The following CTNNA2 variants were observed in gnomAD, a reference collection of about 807,000 sequenced individuals.
CTNNA2 encodes catenin alpha 2, also known as catenin alpha-2.
A neutral mutation model predicts 101.0 loss-of-function variants in CTNNA2; 42 were observed. The observed-to-expected ratio is 0.42, with a 90% confidence interval of 0.32 to 0.54. CTNNA2 has a LOEUF of 0.54. CTNNA2 is among the 20% of genes least tolerant of loss of function. The pLI is 0.14. For synonymous variants in CTNNA2, 450 were observed against 456.4 expected (o/e 0.99, Z 0.18); for missense variants, 871 against 1,223.1 (o/e 0.71, Z 4.29).
At chr2:80,065,428 G>A (rs552057551) in intron 7 of CTNNA2, among the ~76,000 whole-genome samples, 6 of 150,820 alleles carry the variant, frequency 4.0e-5, no homozygotes, top group East Asian at 3.9e-4. Flanking sequence ...GCATGATCTC[G>A]GCTCACTACA....
At chr2:80,466,305 C>T (rs190586324) in intron 9 of CTNNA2, among the ~76,000 whole-genome samples, 3 of 152,140 alleles carry the variant, frequency 2.0e-5, no homozygotes, top group Admixed American at 6.6e-5. Flanking sequence ...GATGCAAAAG[C>T]GTGCCTGTTT....
intron 2 of CTNNA2, 31 bp from the exon 3 acceptor site, chr2:79,744,356 G>A (rs1486645497): frequency 6.4e-7 from 1 of 1,561,348 alleles, no homozygotes. Flanking sequence ...GTTTTGCAAA[G>A]AAGTTTTACA....
chr2:79,866,737 T>C (rs1300628089), intron 4 of CTNNA2, among the ~76,000 whole-genome samples: 1 of 152,236 alleles, frequency 6.6e-6, no homozygotes, highest in Non-Finnish European at 1.5e-5. Context: ...TTGGTGTCTC[T>C]ATTTAATGAG....
At chr2:80,082,846 C>G (rs772133682) in intron 7 of CTNNA2, among the ~76,000 whole-genome samples, 2 of 152,048 alleles carry the variant, frequency 1.3e-5, no homozygotes, top group African/African-American at 4.8e-5. Context: ...TAACCAGTAT[C>G]TTAATTAGAT....
At chr2:80,069,037 A>G (rs1698159628) in intron 7 of CTNNA2, among the ~76,000 whole-genome samples, 1 of 152,224 alleles carries the variant, frequency 6.6e-6, no homozygotes, top group Non-Finnish European at 1.5e-5. Context: ...TAGGAGGCCA[A>G]AATGTCCCCT....
chr2:79,965,006 G>T (rs1393439059), intron 7 of CTNNA2, among the ~76,000 whole-genome samples: 1 of 152,220 alleles, frequency 6.6e-6, no homozygotes, highest in South Asian at 2.1e-4. Context: ...CTCCATTAAA[G>T]TATAACTTTT....
chr2:80,175,698 CCCA>C (rs914741834), intron 7 of CTNNA2, among the ~76,000 whole-genome samples: 65 of 152,258 alleles, frequency 4.3e-4, no homozygotes, highest in African/African-American at 1.5e-3. Flanking sequence ...AAGGTGAAGT[CCCA>C]CGATAGGCTG....
At chr2:80,046,424 G>C (rs1486108310) in intron 7 of CTNNA2, among the ~76,000 whole-genome samples, 1 of 152,102 alleles carries the variant, frequency 6.6e-6, no homozygotes, top group Non-Finnish European at 1.5e-5. Flanking sequence ...CTACTATCTA[G>C]TATAATTGAA....
chr2:79,489,688 T>C (rs549679137), intron 4 of CTNNA2, among the ~76,000 whole-genome samples: 3 of 152,164 alleles, frequency 2.0e-5, no homozygotes, highest in Non-Finnish European at 2.9e-5. Flanking sequence ...ATTGCATGAA[T>C]GAAAAGAAAT....
rs577514969 is a variant in CTNNA2 at position 79,441,429 on chromosome 2, A to G, written c.-134-63625A>G. On this transcript the variant is annotated intron_variant, in intron 4 of 21. Coordinates refer to the CTNNA2 transcript ENST00000466387. ...TCCTAATTGCCTCCTCTCTGTCTCC[A>G]CCATATGCATACCTCCACCTCAATG... Among the ~76,000 whole-genome samples, 90 of 152,190 alleles carry G rather than the reference A, an allele frequency of 5.9e-4. 1 individual carries two copies. Among genetic ancestry groups the G allele is most frequent in the Middle Eastern group, 3.4e-3 (1 of 294 alleles).
intron 9 of CTNNA2, among the ~76,000 whole-genome samples, chr2:80,535,275 A>G (rs1690906289): frequency 6.6e-6 from 1 of 152,180 alleles, no homozygotes; most frequent in Non-Finnish European, 1.5e-5. Flanking sequence ...TTTTACTTGT[A>G]TCTTCCATGT....
chr2:79,378,111 CT>C (rs1027047371), intron 4 of CTNNA2, among the ~76,000 whole-genome samples: 1 of 152,078 alleles, frequency 6.6e-6, no homozygotes, highest in African/African-American at 2.4e-5. Flanking sequence ...TCATCATGGT[CT>C]TTCTATTCCT....
rs566148532 is a variant in CTNNA2 at position 79,864,166 on chromosome 2, C to T, written c.466-5650C>T. 2.6e-5 allele frequency among the ~76,000 whole-genome samples: 4 copies of T among 152,322 alleles called. No homozygotes were observed. In the South Asian group the frequency reaches 8.3e-4, roughly 32 times the overall value. On this transcript the variant is annotated intron_variant, in intron 4 of 18. Coordinates refer to ENST00000402739, the MANE Select transcript of CTNNA2 (RefSeq NM_001282597.3). ...AAAAGGTGAATTTGGATTTGATAGC[C>T]TATGCAGGAAAAGAGCATGTTACTG...
intron 4 of CTNNA2, among the ~76,000 whole-genome samples, chr2:79,485,407 T>G (rs723933): frequency 2.0e-5 from 3 of 152,040 alleles, no homozygotes; most frequent in African/African-American, 7.2e-5. Flanking sequence ...TTCTACCTAG[T>G]AAATTAATGT....
chr2:80,347,107 C>A (rs1672807024), intron 7 of CTNNA2, among the ~76,000 whole-genome samples: 1 of 151,844 alleles, frequency 6.6e-6, no homozygotes, highest in Admixed American at 6.6e-5. Context: ...AGAGATAAAC[C>A]AAGCTTTGTG....
At position 79,433,642 on chromosome 2, in the gene CTNNA2, A is replaced by C. The variant is rs1057072256; in HGVS notation, c.-135+59629A>C. On this transcript the variant is annotated intron_variant, in intron 4 of 21. Transcript: ENST00000466387. The stretch of plus-strand genomic sequence containing the variant: ...CTTTGAGGAAAAAAAAAAAAAAAAA[A>C]AAAAAACTCTTGTCCTAAGAAGAAA... Among the ~76,000 whole-genome samples, 158 of 151,570 alleles carry C rather than the reference A, an allele frequency of 1.0e-3. 1 individual carries two copies. The highest frequency in any genetic ancestry group is 1.7e-3 in the Non-Finnish European group (114 of 67,856).
At chr2:80,500,021 CTTA>C (rs538825714) in intron 9 of CTNNA2, among the ~76,000 whole-genome samples, 4 of 150,868 alleles carry the variant, frequency 2.7e-5, no homozygotes, top group South Asian at 4.2e-4. Context: ...GTCTTAAATA[CTTA>C]TTATACAAAA....
intron 7 of CTNNA2, among the ~76,000 whole-genome samples, chr2:80,318,008 C>T (rs547309642): frequency 3.0e-4 from 46 of 152,206 alleles, no homozygotes; most frequent in African/African-American, 1.1e-3. Context: ...CACCTTCTTT[C>T]TAAGGGGTCC....
chr2:80,281,532 T>A (rs1363186620), intron 7 of CTNNA2, among the ~76,000 whole-genome samples: 1 of 152,154 alleles, frequency 6.6e-6, no homozygotes, highest in Non-Finnish European at 1.5e-5. Context: ...CAAACCTTCA[T>A]ACAAAAGCAC....
Sources: allele counts gnomAD v4.1 joint callset (sites outside exome capture counted in the v4.1 genomes callset), GRCh38; gene constraint gnomAD v4.1.1; transcripts MANE v1.5; gene names NCBI Gene and HGNC (gene_info 2026-07-23, HGNC 2026-07-21).